Variants in NEO1 observed in about 807,000 individuals in gnomAD.
NEO1 encodes neogenin.
Under a neutral mutation model 159.7 loss-of-function variants are expected in NEO1, and 63 were observed. That is an observed-to-expected ratio of 0.39 (90% CI 0.32 to 0.49). NEO1 has a LOEUF of 0.49. Among genes scored for constraint, NEO1 ranks in the 20% least tolerant of loss-of-function variants. The probability of loss-of-function intolerance (pLI) is 0.85; values close to 1 mark genes in which losing one functional copy is unlikely to be tolerated. For missense variants in NEO1, 1,615 were observed against 1,831.0 expected, an observed-to-expected ratio of 0.88 and a Z score of 2.15; for synonymous variants, 633 against 662.0, an observed-to-expected ratio of 0.96 and a Z score of 0.67.
In NEO1 at chr15:73,116,886, A is replaced by G. The variant is rs747345335; in HGVS notation, c.448+29A>G. 6.2e-6 allele frequency: 8 copies of G among 1,297,800 alleles called. No homozygotes were observed. The Admixed American group carries it at 9.5e-5, about 15-fold the overall frequency. 80.4% of individuals were successfully genotyped at this position (1,297,800 alleles called of 1,614,324 possible). ...AGTTTTAAGTGATTTTTTTTTTTGC[A>G]TTTTCAAATATTTATAACATACATC... On this transcript the variant is annotated intron_variant, in intron 2 of 28. Coordinates refer to ENST00000261908, the MANE Select transcript of NEO1 (RefSeq NM_002499.4).
At chr15:73,277,747 G>A (rs1045523688) in intron 21 of NEO1, among the ~76,000 whole-genome samples, 2 of 152,162 alleles carry the variant, frequency 1.3e-5, no homozygotes, top group South Asian at 4.1e-4. Context: ...CTTTAATGTA[G>A]ACATTAACCT....
chr15:73,136,070 T>A, intron 5 of NEO1, 43 bp downstream of exon 5: 1 of 1,532,726 alleles, frequency 6.5e-7, no homozygotes, highest in Non-Finnish European at 8.7e-7. Flanking sequence ...CCTGTGTACT[T>A]TCTGGGTCTG....
chr15:73,060,639 T>G (rs909092958), intron 1 of NEO1, among the ~76,000 whole-genome samples: 5 of 151,986 alleles, frequency 3.3e-5, no homozygotes, highest in African/African-American at 9.7e-5. Context: ...CTTGTGGTGA[T>G]AACCCTTTTA....
intron 8 of NEO1, among the ~76,000 whole-genome samples, chr15:73,238,189 C>G (rs1487274173): frequency 6.6e-6 from 1 of 151,554 alleles, no homozygotes; most frequent in African/African-American, 2.4e-5. Context: ...GTTAAACATT[C>G]ACCAGAACAC....
chr15:73,184,801 GC>G (rs2035824686), intron 7 of NEO1, among the ~76,000 whole-genome samples: 1 of 152,048 alleles, frequency 6.6e-6, no homozygotes, highest in African/African-American at 2.4e-5. Flanking sequence ...AGTGGTGCAT[GC>G]CTGTAATCCC....
chr15:73,059,043 T>C (rs1387871118), intron 1 of NEO1, among the ~76,000 whole-genome samples: 1 of 152,214 alleles, frequency 6.6e-6, no homozygotes, highest in Non-Finnish European at 1.5e-5. Context: ...TTATTTTATA[T>C]GTGTAAAAAT....
chr15:73,264,008 C>T (rs1410431321), intron 15 of NEO1, among the ~76,000 whole-genome samples: 3 of 151,980 alleles, frequency 2.0e-5, no homozygotes, highest in South Asian at 2.1e-4. Context: ...CAACATATTG[C>T]GACCTCATCT....
At chr15:73,096,915 A>T (rs970747710) in intron 1 of NEO1, among the ~76,000 whole-genome samples, 1 of 152,176 alleles carries the variant, frequency 6.6e-6, no homozygotes, top group East Asian at 1.9e-4. Context: ...GCTTGAGCAC[A>T]GGAGTTCATG....
At chr15:73,168,382 G>GC (rs1433538760) in intron 5 of NEO1, among the ~76,000 whole-genome samples, 1 of 46,260 alleles carries the variant, frequency 2.2e-5, no homozygotes, top group Non-Finnish European at 5.8e-5. Flanking sequence ...CGGGGGGTGG[G>GC]GGGGGGGGGT....
chr15:73,196,121 G>C (rs2036520947), intron 7 of NEO1, among the ~76,000 whole-genome samples: 1 of 152,140 alleles, frequency 6.6e-6, no homozygotes, highest in African/African-American at 2.4e-5. Flanking sequence ...ACAGCATTTG[G>C]TTTAGGATGA....
intron 22 of NEO1, among the ~76,000 whole-genome samples, chr15:73,282,709 A>G (rs1329761265): frequency 2.0e-5 from 3 of 152,250 alleles, no homozygotes; most frequent in Admixed American, 6.5e-5. Context: ...AATGTTCAGT[A>G]CAATTTGAGA....
intron 8 of NEO1, among the ~76,000 whole-genome samples, chr15:73,239,690 G>A (rs1295834765): frequency 2.0e-5 from 3 of 152,186 alleles, no homozygotes; most frequent in East Asian, 3.8e-4. Flanking sequence ...CAGCCTAGGT[G>A]TGTGGGATAT....
At chr15:73,127,099 C>T (rs370477185) in intron 4 of NEO1, among the ~76,000 whole-genome samples, 1 of 152,074 alleles carries the variant, frequency 6.6e-6, no homozygotes, top group Admixed American at 6.6e-5. Context: ...GGCGTTGTGG[C>T]ATGTGCCTGT....
intron 7 of NEO1, among the ~76,000 whole-genome samples, chr15:73,181,207 C>T (rs1278075090): frequency 6.6e-6 from 1 of 152,012 alleles, no homozygotes; most frequent in Non-Finnish European, 1.5e-5. Flanking sequence ...AGTAAGGTAG[C>T]CTTTAACAGC....
chr15:73,135,833 A>G (rs1205778710), intron 4 of NEO1, 58 bp from the exon 5 acceptor site: 2 of 1,388,902 alleles, frequency 1.4e-6, no homozygotes, highest in Non-Finnish European at 1.9e-6. Context: ...AGAGTTTTTC[A>G]GGTATTATTT....
At chr15:73,256,048 A>T (rs1381940908) in intron 13 of NEO1, 2 of 152,214 alleles carry the variant, frequency 1.3e-5, no homozygotes, top group Non-Finnish European at 2.9e-5. Flanking sequence ...TTCTAAGCCC[A>T]AGAATTAATT....
intron 1 of NEO1, among the ~76,000 whole-genome samples, chr15:73,055,624 C>T (rs2067658037): frequency 6.6e-6 from 1 of 152,194 alleles, no homozygotes; most frequent in Admixed American, 6.5e-5. Flanking sequence ...TTCTCACTTG[C>T]CACTCGGTAC....
intron 5 of NEO1, among the ~76,000 whole-genome samples, chr15:73,138,278 T>C (rs1478557977): frequency 6.6e-6 from 1 of 152,216 alleles, no homozygotes; most frequent in East Asian, 1.9e-4. Flanking sequence ...AATAGCGTAA[T>C]CTTTTTAAGG....
At chr15:73,210,864 A>G (rs1295760848) in intron 7 of NEO1, among the ~76,000 whole-genome samples, 1 of 152,222 alleles carries the variant, frequency 6.6e-6, no homozygotes, top group African/African-American at 2.4e-5. Context: ...ATATAAGCTC[A>G]TGTTTTAAGA....
Sources: gnomAD v4.1 joint callset for allele counts (sites outside exome capture counted in the v4.1 genomes callset) on GRCh38, gnomAD v4.1.1 for gene constraint, MANE v1.5 for transcripts, NCBI Gene and HGNC (gene_info 2026-07-23, HGNC 2026-07-21) for gene names.